Variants in P2RX7 observed in about 807,000 individuals in gnomAD.
P2RX7 encodes the protein P2X purinoceptor 7.
Under a neutral mutation model 71.6 loss-of-function variants are expected in P2RX7, and 62 were observed. That is an observed-to-expected ratio of 0.87 (90% CI 0.71 to 1.07). The LOEUF is 1.07. Ranked by LOEUF, P2RX7 falls within the 50% of genes least tolerant of loss-of-function variation. The pLI is 0.00. For missense variants in P2RX7, 686 were observed against 748.5 expected (o/e 0.92, Z 0.97); for synonymous variants, 299 against 283.3 (o/e 1.06, Z -0.56).
intron 6 of P2RX7, 65 bp downstream of exon 6, chr12:121,165,502 T>A: frequency 7.7e-7 from 1 of 1,304,410 alleles, no homozygotes; most frequent in Middle Eastern, 1.8e-4. Flanking sequence ...ATCCCAAACC[T>A]CAGAAGCCTG....
At chr12:121,145,686 T>G (rs2136006792) in intron 1 of P2RX7, among the ~76,000 whole-genome samples, 1 of 152,162 alleles carries the variant, frequency 6.6e-6, no homozygotes, top group South Asian at 2.1e-4. Flanking sequence ...TTTTGTATTT[T>G]TAGTAGAGAC....
At chr12:121,152,269 CTA>C (rs1214967280) in intron 1 of P2RX7, among the ~76,000 whole-genome samples, 1 of 152,192 alleles carries the variant, frequency 6.6e-6, no homozygotes, top group African/African-American at 2.4e-5. Context: ...GTGTGAGACA[CTA>C]TGTCAGGCCT....
intron 9 of P2RX7, 138 bp downstream of exon 9, chr12:121,175,616 GGAA>G (rs904475077): frequency 1.5e-5 from 9 of 603,206 alleles, no homozygotes; most frequent in African/African-American, 7.4e-5. Context: ...GGATAAAAGA[GGAA>G]GAAGATGTTC....
chr12:121,175,813 G>C (rs966816959), intron 9 of P2RX7, among the ~76,000 whole-genome samples: 7 of 152,022 alleles, frequency 4.6e-5, no homozygotes, highest in Admixed American at 3.3e-4. Context: ...AAAAAGTTTT[G>C]AGTGGGCTTT....
At chr12:121,177,086 T>C (rs1883279706) in intron 9 of P2RX7, 61 bp from the exon 10 acceptor site, 2 of 1,468,520 alleles carry the variant, frequency 1.4e-6, no homozygotes, top group Non-Finnish European at 1.9e-6. Context: ...CAATTGCACG[T>C]TGAAGCAAAA....
chr12:121,165,733 A>G (rs1793271306), intron 6 of P2RX7, among the ~76,000 whole-genome samples: 1 of 152,202 alleles, frequency 6.6e-6, no homozygotes, highest in African/African-American at 2.4e-5. Flanking sequence ...ACCTCGCCCT[A>G]GACCACTTGA....
chr12:121,171,327 C>T (rs1034749648), intron 8 of P2RX7, among the ~76,000 whole-genome samples: 2 of 150,794 alleles, frequency 1.3e-5, no homozygotes, highest in Non-Finnish European at 3.0e-5. Context: ...CCTCACATGG[C>T]CTTCTCCACT....
chr12:121,168,378 G>A (rs151243516), intron 8 of P2RX7, among the ~76,000 whole-genome samples: 90 of 151,502 alleles, frequency 5.9e-4, no homozygotes, highest in African/African-American at 1.4e-3. Flanking sequence ...AGGTCCAAGC[G>A]ATCCTCCCAC....
At chr12:121,183,503 G>T (rs1424271485) in intron 12 of P2RX7, among the ~76,000 whole-genome samples, 1 of 149,710 alleles carries the variant, frequency 6.7e-6, no homozygotes, top group Non-Finnish European at 1.5e-5. Flanking sequence ...CCCAGGAGGC[G>T]GAGGTTGCAG....
intron 7 of P2RX7, among the ~76,000 whole-genome samples, chr12:121,166,887 C>CA (rs59533773): frequency 0.02 from 2,133 of 107,626 alleles, 25 homozygotes; most frequent in Middle Eastern, 0.029. Flanking sequence ...ACTAAAAATA[C>CA]AAAAAAAAAA....
chr12:121,177,375 T>G lies in P2RX7; in HGVS notation c.1117T>G (p.Cys373Gly). The change falls in exon 11 of 13, where the codon TGC (cysteine) becomes GGC (glycine). Residue 373 changes from cysteine (C) to glycine (G), a missense_variant. Transcript: ENST00000328963. ...CRSHIYPWCK[C>G]CQPCVVNEYY... is the part of the protein sequence containing the mutation. ...CTCCCATATTTATCCCTGGTGCAAGTGCTGTCAGCCCTGTGTGGTCAACGA... is the reference window on the plus strand; with the variant it reads ...CTCCCATATTTATCCCTGGTGCAAGGGCTGTCAGCCCTGTGTGGTCAACGA... 1 of 1,614,042 alleles carries G rather than the reference T, an allele frequency of 6.2e-7. No homozygotes were observed. The highest frequency in any genetic ancestry group is 8.5e-7 in the Non-Finnish European group (1 of 1,180,036).
intron 1 of P2RX7, among the ~76,000 whole-genome samples, chr12:121,144,382 G>A (rs1241187716): frequency 6.6e-6 from 1 of 152,158 alleles, no homozygotes; most frequent in Non-Finnish European, 1.5e-5. Context: ...ACTTTTAGTA[G>A]AGATGGGGTC....
chr12:121,175,174 G>A (rs532826677), intron 8 of P2RX7, among the ~76,000 whole-genome samples: 4 of 142,766 alleles, frequency 2.8e-5, no homozygotes, highest in Admixed American at 6.7e-5. Context: ...AGCCGAGCAC[G>A]GTGGTGCATG....
intron 12 of P2RX7, among the ~76,000 whole-genome samples, chr12:121,181,002 A>G (rs1422759026): frequency 1.3e-5 from 2 of 152,114 alleles, no homozygotes; most frequent in East Asian, 3.8e-4. Flanking sequence ...CTTAAATTAC[A>G]AACGAGGTCT....
At chr12:121,133,342 C>T (rs1027441824) in intron 1 of P2RX7, among the ~76,000 whole-genome samples, 2 of 152,212 alleles carry the variant, frequency 1.3e-5, no homozygotes, top group Admixed American at 6.5e-5. Context: ...CGCCAGGGCG[C>T]GCAGGGCAGG....
At chr12:121,181,224 A>G (rs1475939670) in intron 12 of P2RX7, among the ~76,000 whole-genome samples, 1 of 152,140 alleles carries the variant, frequency 6.6e-6, no homozygotes, top group Non-Finnish European at 1.5e-5. Flanking sequence ...TTTTTGTGAG[A>G]GTTGTTCATG....
Position 121,151,609 on chromosome 12 carries a change from T to A in P2RX7, c.126-3176T>A, listed in dbSNP as rs188203892. Among the ~76,000 whole-genome samples, 344 of 152,274 alleles carry A rather than the reference T, an allele frequency of 2.3e-3. 2 individuals carry two copies. The highest frequency in any genetic ancestry group is 7.7e-3 in the African/African-American group (320 of 41,554). ...TATATGTCTACATATATAAAAAATA[T>A]AATTTTTTATTGGGGTGAAATTCAC... On this transcript the variant is annotated intron_variant, in intron 1 of 12. Coordinates refer to ENST00000328963, the MANE Select transcript of P2RX7 (RefSeq NM_002562.6).
chr12:121,163,308 G>A (rs1288912454), intron 5 of P2RX7, among the ~76,000 whole-genome samples: 5 of 149,648 alleles, frequency 3.3e-5, no homozygotes, highest in African/African-American at 9.9e-5. Context: ...TGTAAGGTAA[G>A]CCCCATGCAT....
intron 11 of P2RX7, 117 bp from the exon 12 acceptor site, chr12:121,180,237 A>T: frequency 2.5e-6 from 1 of 395,506 alleles, no homozygotes; most frequent in Non-Finnish European, 4.7e-6. Context: ...GAGAGTTTTG[A>T]GCCAGCTTGT....
Sources: allele counts gnomAD v4.1 joint callset (sites outside exome capture counted in the v4.1 genomes callset), GRCh38; gene constraint gnomAD v4.1.1; transcripts MANE v1.5; gene names NCBI Gene and HGNC (gene_info 2026-07-23, HGNC 2026-07-21).